Variants in SLC12A6 observed in about 807,000 individuals in gnomAD.
SLC12A6 encodes the protein solute carrier family 12 member 6.
Under a neutral mutation model 135.3 loss-of-function variants are expected in SLC12A6, and 66 were observed. The ratio of observed to expected loss-of-function variants is 0.49; its 90% CI spans 0.40 to 0.60. SLC12A6 has a LOEUF of 0.60. Among genes scored for constraint, SLC12A6 ranks in the 20% least tolerant of loss-of-function variants. The pLI, the probability that SLC12A6 is intolerant of heterozygous loss-of-function variation, is 0.00. For synonymous variants in SLC12A6, 513 were observed against 508.8 expected, an observed-to-expected ratio of 1.01 and a Z score of -0.11; for missense variants, 1,058 against 1,452.3, an observed-to-expected ratio of 0.73 and a Z score of 4.41.
At chr15:34,305,930 T>G (rs347855) in intron 2 of SLC12A6, among the ~76,000 whole-genome samples, 8,889 of 152,052 alleles carry the variant, frequency 0.058, 838 homozygotes, top group African/African-American at 0.2. Flanking sequence ...GCTAATTTTT[T>G]GTATCTTTTT....
At chr15:34,275,573 A>C (rs1378149608) in intron 2 of SLC12A6, among the ~76,000 whole-genome samples, 184 bp from the exon 3 acceptor site, 1 of 152,234 alleles carries the variant, frequency 6.6e-6, no homozygotes, top group East Asian at 1.9e-4. Context: ...CATAGCTCAA[A>C]AAGTTAAACA....
At chr15:34,271,965 CTTTT>C (rs1437335190) in intron 3 of SLC12A6, among the ~76,000 whole-genome samples, 5 of 151,404 alleles carry the variant, frequency 3.3e-5, no homozygotes, top group Admixed American at 6.6e-5. Context: ...CTTTTTTTTT[CTTTT>C]TCTTTTTTTG....
At chr15:34,236,287 G>C (rs757015467) in intron 23 of SLC12A6, 88 bp from the exon 24 acceptor site, 2 of 901,686 alleles carry the variant, frequency 2.2e-6, no homozygotes, top group Admixed American at 3.8e-5. Context: ...ATGGGTTATA[G>C]TGGAATAACT....
At chr15:34,287,627 TC>T (rs1328839660) in intron 2 of SLC12A6, among the ~76,000 whole-genome samples, 2 of 152,182 alleles carry the variant, frequency 1.3e-5, no homozygotes, top group Admixed American at 1.3e-4. Flanking sequence ...TCCCACAACC[TC>T]TCCAGCATGT....
At chr15:34,286,067 T>G (rs576321432) in intron 2 of SLC12A6, among the ~76,000 whole-genome samples, 2 of 150,496 alleles carry the variant, frequency 1.3e-5, no homozygotes, top group East Asian at 3.9e-4. Flanking sequence ...TGCTAGGTTT[T>G]ATTGCTTTTT....
intron 3 of SLC12A6, among the ~76,000 whole-genome samples, chr15:34,263,349 G>A (rs1300419468): frequency 2.0e-5 from 3 of 152,166 alleles, no homozygotes; most frequent in African/African-American, 4.8e-5. Context: ...GTTCAAGACT[G>A]CAAGTAAGCT....
chr15:34,246,787 C>A (rs1447703552), intron 13 of SLC12A6, among the ~76,000 whole-genome samples: 6 of 152,126 alleles, frequency 3.9e-5, no homozygotes, highest in Non-Finnish European at 8.8e-5. Flanking sequence ...GCTGGGACCA[C>A]AAGTGTGTGC....
intron 2 of SLC12A6, among the ~76,000 whole-genome samples, chr15:34,278,675 A>T (rs1386535321): frequency 2.0e-5 from 3 of 151,860 alleles, no homozygotes; most frequent in African/African-American, 7.2e-5. Flanking sequence ...AGGTTCAAGC[A>T]ATTTTCTGCC....
chr15:34,318,859 T>C (rs1842779666), intron 2 of SLC12A6: 1 of 1,452,810 alleles, frequency 6.9e-7, no homozygotes, highest in African/African-American at 1.4e-5. Context: ...AGTGGGGCGC[T>C]TGAAGACACG....
intron 2 of SLC12A6, among the ~76,000 whole-genome samples, chr15:34,292,061 G>C (rs1050709847): frequency 1.3e-5 from 2 of 152,134 alleles, no homozygotes; most frequent in African/African-American, 4.8e-5. Context: ...GAGAAGAAGA[G>C]GCATTCTGGT....
At chr15:34,277,074 T>C (rs1003600442) in intron 2 of SLC12A6, among the ~76,000 whole-genome samples, 1 of 152,182 alleles carries the variant, frequency 6.6e-6, no homozygotes, top group African/African-American at 2.4e-5. Flanking sequence ...TAGAATATTT[T>C]CCCCAAACAT....
At chr15:34,311,902 C>T (rs1043504531) in intron 2 of SLC12A6, among the ~76,000 whole-genome samples, 1 of 152,150 alleles carries the variant, frequency 6.6e-6, no homozygotes, top group African/African-American at 2.4e-5. Context: ...GTGTCCCTTC[C>T]TCTGAGATAC....
At chr15:34,260,194 A>T (rs113495688) in intron 4 of SLC12A6, among the ~76,000 whole-genome samples, 6 of 152,260 alleles carry the variant, frequency 3.9e-5, no homozygotes, top group African/African-American at 1.4e-4. Context: ...ATCCATAAAT[A>T]TATACAGTTA....
At chr15:34,308,995 C>T (rs1887961752) in intron 2 of SLC12A6, among the ~76,000 whole-genome samples, 1 of 152,194 alleles carries the variant, frequency 6.6e-6, no homozygotes, top group East Asian at 1.9e-4. Flanking sequence ...AAATAATCTT[C>T]CTAATTTTTT....
chr15:34,332,710 G>A (rs960252433), intron 2 of SLC12A6, among the ~76,000 whole-genome samples: 2 of 151,944 alleles, frequency 1.3e-5, no homozygotes, highest in Non-Finnish European at 2.9e-5. Flanking sequence ...TTGGACCAGG[G>A]AGGTGGAGGT....
At chr15:34,283,620 A>G (rs1055691635) in intron 2 of SLC12A6, among the ~76,000 whole-genome samples, 1 of 152,186 alleles carries the variant, frequency 6.6e-6, no homozygotes, top group Non-Finnish European at 1.5e-5. Context: ...AATGTAGCTA[A>G]AGCATAGTGA....
chr15:34,247,436 G>A (rs1892070454), intron 13 of SLC12A6, among the ~76,000 whole-genome samples: 2 of 151,940 alleles, frequency 1.3e-5, no homozygotes, highest in Non-Finnish European at 2.9e-5. Context: ...AGAATGGCGT[G>A]AACCCGGGAG....
At chr15:34,337,851 G>C (rs1450483918), upstream of SLC12A6, 1 of 152,254 alleles carries the variant, frequency 6.6e-6, no homozygotes, top group East Asian at 1.9e-4. Flanking sequence ...CCCGACGCCA[G>C]AGCAGCAGTT....
intron 2 of SLC12A6, among the ~76,000 whole-genome samples, chr15:34,291,952 T>C (rs4387570): frequency 0.23 from 35,394 of 151,968 alleles, 4,207 homozygotes; most frequent in South Asian, 0.35. Context: ...TCGGAGAAGT[T>C]TGTTATTACC....
Sources: gnomAD v4.1 joint callset for allele counts (sites outside exome capture counted in the v4.1 genomes callset) on GRCh38, gnomAD v4.1.1 for gene constraint, MANE v1.5 for transcripts, NCBI Gene and HGNC (gene_info 2026-07-23, HGNC 2026-07-21) for gene names.